The following EIF3L variants were observed in gnomAD, a reference collection of about 807,000 sequenced individuals.
The protein encoded by EIF3L is eukaryotic translation initiation factor 3 subunit L, also known as eIEF associated protein HSPC021.
EIF3L carries 32 observed loss-of-function variants against 74.6 expected under a neutral mutation model. That is an observed-to-expected ratio of 0.43 (90% CI 0.32 to 0.58). The LOEUF (loss-of-function observed/expected upper bound fraction) is 0.58, where lower values mean the gene tolerates loss of function less well. EIF3L is among the 20% of genes least tolerant of loss of function. The pLI is 0.06. For synonymous variants in EIF3L, 256 were observed against 254.4 expected (o/e 1.01, Z -0.06); for missense variants, 474 against 707.8 (o/e 0.67, Z 3.75).
intron 7 of EIF3L, among the ~76,000 whole-genome samples, chr22:37,866,306 C>T (rs537587361): frequency 1.3e-5 from 2 of 152,278 alleles, no homozygotes; most frequent in Admixed American, 1.3e-4. Context: ...ATGGATATAC[C>T]ATGCCTCTGA....
intron 1 of EIF3L, 102 bp from the exon 2 acceptor site, chr22:37,849,913 G>C: frequency 7.7e-7 from 1 of 1,292,348 alleles, no homozygotes; most frequent in Non-Finnish European, 1.1e-6. Flanking sequence ...TGTCTTATTC[G>C]CCTCTGTATC....
chr22:37,869,068 C>A (rs554521734), intron 7 of EIF3L, among the ~76,000 whole-genome samples: 34 of 152,260 alleles, frequency 2.2e-4, no homozygotes, highest in East Asian at 5.8e-4. Flanking sequence ...AGCCACCGTG[C>A]CTGGCATATT....
intron 8 of EIF3L, among the ~76,000 whole-genome samples, chr22:37,873,287 C>T (rs887242652): frequency 2.7e-5 from 4 of 147,128 alleles, no homozygotes; most frequent in African/African-American, 7.5e-5. Context: ...CGCTCAGTTG[C>T]GTATCAGTTT....
intron 5 of EIF3L, among the ~76,000 whole-genome samples, chr22:37,862,109 T>G (rs1465317222): frequency 1.3e-5 from 2 of 152,226 alleles, no homozygotes; most frequent in African/African-American, 4.8e-5. Flanking sequence ...GTGTTGAGAT[T>G]ACAGGCGTGA....
chr22:37,849,840 T>C lies in EIF3L; in HGVS notation c.34-175T>C. The C allele has an allele frequency of 4.4e-6, 3 of 682,058 alleles. No homozygotes were observed. The Admixed American group carries it at 7.8e-5, about 18-fold the overall frequency. 42.3% of individuals were successfully genotyped at this position (682,058 alleles called of 1,614,324 possible). A position where few individuals can be genotyped will look rare whatever the true frequency, so the allele number is the denominator to read the frequency against. ...CCTCATTGCACCCGTAATGTTGTAT[T>C]GTCATTGTCTGTTTACTGTCCCTTT... On this transcript the variant is annotated intron_variant, in intron 1 of 12. Coordinates refer to ENST00000652021, the MANE Select transcript of EIF3L (RefSeq NM_016091.4).
At chr22:37,862,908 C>A in intron 5 of EIF3L, 61 bp from the exon 6 acceptor site, 2 of 1,274,622 alleles carry the variant, frequency 1.6e-6, no homozygotes, top group Non-Finnish European at 2.3e-6. Context: ...CACAGTATAC[C>A]ATGGGTAAAA....
chr22:37,864,059 A>G (rs12157929), intron 7 of EIF3L, among the ~76,000 whole-genome samples: 8,356 of 151,690 alleles, frequency 0.055, 760 homozygotes, highest in African/African-American at 0.19. Context: ...GCAAGACTCC[A>G]TCTCAAAAAA....
At chr22:37,865,770 G>T (rs554127911) in intron 7 of EIF3L, among the ~76,000 whole-genome samples, 1 of 152,332 alleles carries the variant, frequency 6.6e-6, no homozygotes, top group African/African-American at 2.4e-5. Flanking sequence ...TCCTTGGCTT[G>T]TGTCATCCTT....
intron 11 of EIF3L, chr22:37,884,554 G>A (rs1287289034): frequency 6.6e-6 from 1 of 152,122 alleles, no homozygotes; most frequent in Non-Finnish European, 1.5e-5. Context: ...TTTGCCATAA[G>A]TTAGCTAGCC....
chr22:37,862,347 A>G (rs1421941186), intron 5 of EIF3L, among the ~76,000 whole-genome samples: 1 of 152,210 alleles, frequency 6.6e-6, no homozygotes, highest in Non-Finnish European at 1.5e-5. Flanking sequence ...AGACCAGACC[A>G]GGGGTCAGCC....
At chr22:37,886,567 C>CA (rs1010230016) in intron 11 of EIF3L, 198 bp from the exon 12 acceptor site, 24,889 of 299,592 alleles carry the variant, frequency 0.083, 584 homozygotes, top group African/African-American at 0.17. Context: ...AACTCCATCT[C>CA]AAAAAAAAAA....
chr22:37,867,471 C>T (rs1362285700), intron 7 of EIF3L, among the ~76,000 whole-genome samples: 1 of 151,738 alleles, frequency 6.6e-6, no homozygotes, highest in African/African-American at 2.4e-5. Context: ...CCAGCCTGGC[C>T]AACATGGTGA....
At position 37,874,531 on chromosome 22, in the gene EIF3L, C is replaced by T; in HGVS notation, c.906+7C>T. Reference sequence around the variant, plus strand: ...CATCGAACTGAACAAGAAGGTGATGCCTATTGCCTCTGGCCCCTCTTGCCA... The same window carrying T: ...CATCGAACTGAACAAGAAGGTGATGTCTATTGCCTCTGGCCCCTCTTGCCA... On this transcript the variant is annotated splice_region_variant and intron_variant, in intron 9 of 12. Coordinates refer to ENST00000652021, the MANE Select transcript of EIF3L (RefSeq NM_016091.4). 1 of 1,611,994 alleles carries T rather than the reference C, an allele frequency of 6.2e-7. No individual in the cohort carries two copies. The highest frequency in any genetic ancestry group is 1.1e-5 in the South Asian group (1 of 90,832).
chr22:37,872,863 T>A (rs941508920), intron 8 of EIF3L, among the ~76,000 whole-genome samples: 2 of 152,146 alleles, frequency 1.3e-5, no homozygotes, highest in Non-Finnish European at 2.9e-5. Context: ...TGGGATTTCA[T>A]GTGTGAGCCA....
Position 37,850,871 on chromosome 22 carries a change from G to T in EIF3L, c.83-409G>T, listed in dbSNP as rs911643706. On this transcript the variant is annotated intron_variant, in intron 2 of 12. Coordinates refer to ENST00000652021, the MANE Select transcript of EIF3L (RefSeq NM_016091.4). ...AATATAGCAGAGAGGTTTATTAGTA[G>T]TAACTTGGCACAGTCATATATTTAA... Among the ~76,000 whole-genome samples, 12 of 152,286 alleles carry T rather than the reference G, an allele frequency of 7.9e-5. No individual in the cohort carries two copies. In the East Asian group the frequency reaches 2.3e-3, roughly 29 times the overall value.
At chr22:37,864,859 G>A (rs778529468) in intron 7 of EIF3L, among the ~76,000 whole-genome samples, 12 of 152,122 alleles carry the variant, frequency 7.9e-5, no homozygotes, top group Non-Finnish European at 1.3e-4. Flanking sequence ...TTTTAAAATG[G>A]TAACATGTTC....
Position 37,888,529 on chromosome 22 carries a change from G to T in EIF3L, c.*65G>T, listed in dbSNP as rs8646. 1.9e-6 allele frequency: 3 copies of T among 1,554,042 alleles called. No individual in the cohort carries two copies. Among genetic ancestry groups the T allele is most frequent in the African/African-American group, 1.4e-5 (1 of 73,780 alleles). On this transcript the variant is annotated 3_prime_UTR_variant, in exon 13 of 13. Transcript: ENST00000652021. Reference sequence around the variant, plus strand: ...ATAGGCAGGAAGTGTTTTTGCTACCGTGAAACCTTTACCTAGATCAGCCAT... The same window carrying T: ...ATAGGCAGGAAGTGTTTTTGCTACCTTGAAACCTTTACCTAGATCAGCCAT...
At chr22:37,876,134 TG>T in intron 10 of EIF3L, 123 bp downstream of exon 10, 1 of 1,014,490 alleles carries the variant, frequency 9.9e-7, no homozygotes, top group Non-Finnish European at 1.4e-6. Flanking sequence ...AGTTCAAGAC[TG>T]TAGAGCGCTC....
intron 8 of EIF3L, among the ~76,000 whole-genome samples, chr22:37,871,725 C>T (rs112960499): frequency 3.3e-5 from 5 of 151,776 alleles, no homozygotes; most frequent in African/African-American, 1.2e-4. Flanking sequence ...AAAAATTAGC[C>T]GGGCCTGGTG....
Sources: gnomAD v4.1 joint callset for allele counts (sites outside exome capture counted in the v4.1 genomes callset) on GRCh38, gnomAD v4.1.1 for gene constraint, MANE v1.5 for transcripts, NCBI Gene and HGNC (gene_info 2026-07-23, HGNC 2026-07-21) for gene names.